Variants in CBL observed in about 807,000 individuals in gnomAD.
The protein encoded by CBL is Cbl proto-oncogene.
A neutral mutation model predicts 96.9 loss-of-function variants in CBL; 45 were observed. The ratio of observed to expected loss-of-function variants is 0.46; its 90% confidence interval spans 0.37 to 0.60. CBL has a LOEUF of 0.60. Among genes scored for constraint, CBL ranks in the 20% least tolerant of loss-of-function variants. CBL has a pLI of 0.00. For missense variants in CBL, 1,024 were observed against 1,143.5 expected (o/e 0.90, Z 1.51); for synonymous variants, 420 against 426.8 (o/e 0.98, Z 0.20).
intron 6 of CBL, 119 bp downstream of exon 6, chr11:119,276,253 A>G (rs775799495): frequency 3.4e-5 from 36 of 1,046,510 alleles, no homozygotes; most frequent in Non-Finnish European, 5.0e-5. Flanking sequence ...GGAAAATATT[A>G]ACAGATGATA....
intron 3 of CBL, 95 bp from the exon 4 acceptor site, chr11:119,273,773 G>A: frequency 1.9e-6 from 2 of 1,052,560 alleles, no homozygotes; most frequent in Non-Finnish European, 2.9e-6. Flanking sequence ...GGTATTGAGA[G>A]CTTAATGTGG....
intron 2 of CBL, among the ~76,000 whole-genome samples, chr11:119,260,530 TGTAA>T (rs1271587939): frequency 2.0e-5 from 3 of 152,208 alleles, no homozygotes; most frequent in Non-Finnish European, 2.9e-5. Flanking sequence ...CTGATGGGAT[TGTAA>T]GTGAGAATTA....
At chr11:119,219,924 A>G (rs1464348613) in intron 1 of CBL, among the ~76,000 whole-genome samples, 1 of 144,576 alleles carries the variant, frequency 6.9e-6, no homozygotes, top group Non-Finnish European at 1.5e-5. Flanking sequence ...ATCTCGGCTC[A>G]CTGCAACCTC....
chr11:119,240,109 T>G (rs530714071), intron 2 of CBL, among the ~76,000 whole-genome samples: 7 of 152,018 alleles, frequency 4.6e-5, no homozygotes, highest in Non-Finnish European at 8.8e-5. Flanking sequence ...CTGGCCAACA[T>G]AGTGAAACCC....
At chr11:119,253,988 C>CAAA (rs55881003) in intron 2 of CBL, among the ~76,000 whole-genome samples, 14 of 67,054 alleles carry the variant, frequency 2.1e-4, no homozygotes, top group Admixed American at 7.5e-4. Flanking sequence ...GACCTTGACT[C>CAAA]AAAAAAAAAA....
At chr11:119,291,572 G>A (rs181142341) in intron 12 of CBL, among the ~76,000 whole-genome samples, 59 of 152,256 alleles carry the variant, frequency 3.9e-4, no homozygotes, top group Middle Eastern at 6.8e-3. Context: ...GCTGGGCATG[G>A]TGGTGCACAC....
chr11:119,299,101 C>G (rs1389237593), intron 15 of CBL, among the ~76,000 whole-genome samples: 1 of 152,250 alleles, frequency 6.6e-6, no homozygotes, highest in Admixed American at 6.5e-5. Context: ...CCCACTCAGC[C>G]TTGGCTAATG....
At position 119,255,905 on chromosome 11, in the gene CBL, A is replaced by T. The variant is rs187739426; in HGVS notation, c.444-15830A>T. Reference sequence around the variant, plus strand: ...CATTTCCCCTTAATTTATACTTTAAAAAAAAAAAAAGTAGAGGCAGGGTTT... The same window carrying T: ...CATTTCCCCTTAATTTATACTTTAATAAAAAAAAAAGTAGAGGCAGGGTTT... On this transcript the variant is annotated intron_variant, in intron 2 of 15. Coordinates refer to ENST00000264033, the MANE Select transcript of CBL (RefSeq NM_005188.4). 1.6e-4 allele frequency among the ~76,000 whole-genome samples: 24 copies of T among 151,810 alleles called. 1 individual carries two copies. The highest frequency in any genetic ancestry group is 5.3e-4 in the African/African-American group (22 of 41,442).
intron 2 of CBL, among the ~76,000 whole-genome samples, chr11:119,236,608 T>TGG: frequency 6.8e-6 from 1 of 146,940 alleles, no homozygotes; most frequent in Non-Finnish European, 1.5e-5. Context: ...TATATATATA[T>TGG]ATATATATAT....
chr11:119,279,897 G>C (rs1368986169), intron 9 of CBL, among the ~76,000 whole-genome samples: 2 of 152,206 alleles, frequency 1.3e-5, no homozygotes, highest in Non-Finnish European at 2.9e-5. Flanking sequence ...AGAAGTCTAA[G>C]ACAAGGCTTT....
intron 12 of CBL, among the ~76,000 whole-genome samples, chr11:119,290,941 G>A (rs1950022604): frequency 6.6e-6 from 1 of 152,030 alleles, no homozygotes; most frequent in Non-Finnish European, 1.5e-5. Context: ...GCCTCCCAAG[G>A]TGCTGGGATT....
chr11:119,262,569 A>G (rs1238603788), intron 2 of CBL, among the ~76,000 whole-genome samples: 1 of 152,174 alleles, frequency 6.6e-6, no homozygotes, highest in Non-Finnish European at 1.5e-5. Flanking sequence ...AAAATTTGTC[A>G]AAAGTAGGTA....
At chr11:119,290,025 A>AC (rs1950013658) in intron 12 of CBL, among the ~76,000 whole-genome samples, 2 of 151,770 alleles carry the variant, frequency 1.3e-5, no homozygotes, top group African/African-American at 4.8e-5. Context: ...GCTGGGAAAT[A>AC]CAGATGTTAG....
intron 12 of CBL, among the ~76,000 whole-genome samples, chr11:119,289,956 A>G (rs1202475362): frequency 1.3e-5 from 2 of 152,064 alleles, no homozygotes; most frequent in Non-Finnish European, 2.9e-5. Context: ...AGCTGTGTTG[A>G]CCAGGCTGGT....
At chr11:119,225,071 T>C (rs1356865001) in intron 1 of CBL, among the ~76,000 whole-genome samples, 2 of 151,772 alleles carry the variant, frequency 1.3e-5, no homozygotes, top group South Asian at 2.1e-4. Context: ...TGTGTGTGTG[T>C]GTGCGCGCGC....
At chr11:119,287,541 C>T (rs1446754700) in intron 11 of CBL, among the ~76,000 whole-genome samples, 8 of 152,102 alleles carry the variant, frequency 5.3e-5, no homozygotes, top group East Asian at 1.9e-4. Flanking sequence ...GACCATTTTG[C>T]GTTTGGATAT....
chr11:119,287,819 A>G (rs374048242), intron 11 of CBL, 33 bp from the exon 12 acceptor site: 32 of 1,359,162 alleles, frequency 2.4e-5, no homozygotes, highest in Non-Finnish European at 3.2e-5. Flanking sequence ...GTGGTAAGAA[A>G]GTTGTTTTTC....
intron 1 of CBL, among the ~76,000 whole-genome samples, chr11:119,223,359 TTTTAC>T (rs1404993935): frequency 1.3e-5 from 2 of 150,874 alleles, no homozygotes; most frequent in Admixed American, 6.6e-5. Flanking sequence ...TTTTATTTTA[TTTTAC>T]TTTATTTTAT....
intron 12 of CBL, among the ~76,000 whole-genome samples, chr11:119,288,599 A>T (rs1256118815): frequency 6.6e-6 from 1 of 152,142 alleles, no homozygotes; most frequent in South Asian, 2.1e-4. Context: ...TAGAGGCCCC[A>T]TCTCCAAATA....
Sources: allele counts gnomAD v4.1 joint callset (sites outside exome capture counted in the v4.1 genomes callset), GRCh38; gene constraint gnomAD v4.1.1; transcripts MANE v1.5; gene names NCBI Gene and HGNC (gene_info 2026-07-23, HGNC 2026-07-21).